Variants in WDR48 observed in about 807,000 individuals in gnomAD.
WDR48 encodes WD repeat-containing protein 48.
In WDR48, 22 loss-of-function variants were observed where a neutral mutation model predicts 94.0. That is an observed-to-expected ratio of 0.23 (90% CI 0.17 to 0.33). WDR48 has a LOEUF of 0.33. Among genes scored for constraint, WDR48 ranks in the 10% least tolerant of loss-of-function variants. WDR48 has a pLI of 1.00. For missense variants in WDR48, 541 were observed against 813.8 expected (o/e 0.66, Z 4.08); for synonymous variants, 278 against 280.5 (o/e 0.99, Z 0.09).
intron 7 of WDR48, among the ~76,000 whole-genome samples, chr3:39,072,382 G>A (rs911025184): frequency 2.6e-5 from 4 of 152,130 alleles, no homozygotes; most frequent in African/African-American, 7.2e-5. Flanking sequence ...GGGTTCTTTT[G>A]GTAATACAAG....
At chr3:39,057,903 G>A (rs977141372) in intron 1 of WDR48, among the ~76,000 whole-genome samples, 2 of 152,226 alleles carry the variant, frequency 1.3e-5, no homozygotes, top group Admixed American at 6.5e-5. Flanking sequence ...ACAGGCATGA[G>A]CCACTGCGCC....
rs1014091529 is a variant in WDR48 at position 39,095,139 on chromosome 3, C to T, written c.*396C>T. ...TGTTTCAACTTTAAGCCCACACACT[C>T]TGTAGCTTTTCTAAAACAGTACATT... On this transcript the variant is annotated 3_prime_UTR_variant, in exon 19 of 19. Coordinates refer to ENST00000302313, the MANE Select transcript of WDR48 (RefSeq NM_020839.4). The T allele has an allele frequency of 5.0e-6, 1 of 198,438 alleles. No individual in the cohort carries two copies. The highest frequency in any genetic ancestry group is 5.3e-5 in the Admixed American group (1 of 18,948). 12.3% of individuals were successfully genotyped at this position (198,438 alleles called of 1,614,324 possible).
chr3:39,078,790 G>T (rs2034369355), intron 10 of WDR48, among the ~76,000 whole-genome samples: 1 of 148,302 alleles, frequency 6.7e-6, no homozygotes, highest in African/African-American at 2.4e-5. Flanking sequence ...CAGCACTTTG[G>T]GAGGCCAAGG....
intron 8 of WDR48, among the ~76,000 whole-genome samples, chr3:39,075,513 A>G (rs1484249962): frequency 6.6e-6 from 1 of 152,088 alleles, no homozygotes; most frequent in Admixed American, 6.6e-5. Context: ...ACTGCCTCAG[A>G]GCAGCCCTAA....
At chr3:39,066,930 G>T (rs893882283) in intron 5 of WDR48, 55 bp downstream of exon 5, 5 of 1,579,580 alleles carry the variant, frequency 3.2e-6, no homozygotes, top group Admixed American at 1.8e-5. Flanking sequence ...CATAAATAAA[G>T]AATGGTTTAT....
At chr3:39,056,483 A>G (rs930238424) in intron 1 of WDR48, among the ~76,000 whole-genome samples, 3 of 152,248 alleles carry the variant, frequency 2.0e-5, no homozygotes, top group Non-Finnish European at 4.4e-5. Context: ...AACTAATGAT[A>G]GAAAAAACAA....
intron 2 of WDR48, among the ~76,000 whole-genome samples, chr3:39,064,192 A>G (rs1357663171): frequency 2.0e-5 from 3 of 152,070 alleles, no homozygotes; most frequent in Admixed American, 6.6e-5. Flanking sequence ...ATTATGTGCC[A>G]TACGCTCTTT....
Position 39,078,146 on chromosome 3 carries a change from G to A in WDR48, c.982G>A (p.Gly328Arg), listed in dbSNP as rs1273443660. 1.9e-6 allele frequency: 3 copies of A among 1,609,530 alleles called. No homozygotes were observed. Among genetic ancestry groups the A allele is most frequent in the Admixed American group, 1.7e-5 (1 of 59,022 alleles). The change falls in exon 10 of 19, where the codon GGA (glycine) becomes AGA (arginine). Residue 328 changes from glycine (G) to arginine (R), a missense_variant. By Grantham distance (125) the Gly-to-Arg change is moderately radical (BLOSUM62 -2). This residue lies in a region of WDR48 where 238 missense variants were observed against 285.3 expected (regional missense o/e 0.83). Transcript: ENST00000302313. ...AATTTTGTAATTTTAGACTTTGAAAGGAATTCATAATTTTAGAGCCTCTGG... is the reference window on the plus strand; with the variant it reads ...AATTTTGTAATTTTAGACTTTGAAAAGAATTCATAATTTTAGAGCCTCTGG... ...KSTVNKWTLKGIHNFRASGDY... is the reference protein window; with the variant it reads ...KSTVNKWTLKRIHNFRASGDY...
chr3:39,061,433 C>T (rs2033258436), intron 1 of WDR48, among the ~76,000 whole-genome samples: 1 of 152,110 alleles, frequency 6.6e-6, no homozygotes, highest in African/African-American at 2.4e-5. Flanking sequence ...ATGAACTCAT[C>T]CTTTTTTATG....
intron 7 of WDR48, among the ~76,000 whole-genome samples, chr3:39,073,891 G>C (rs2034073904): frequency 6.6e-6 from 1 of 152,178 alleles, no homozygotes; most frequent in South Asian, 2.1e-4. Context: ...CAGGAATCCA[G>C]AGCCATGAGA....
chr3:39,095,056 G>C lies in WDR48; in HGVS notation c.*313G>C. Reference sequence around the variant, plus strand: ...TTTGCTTCCTCCTTTTGTTTCAAAGGACCTTATCTACCCATTAACACTTGT... The same window carrying C: ...TTTGCTTCCTCCTTTTGTTTCAAAGCACCTTATCTACCCATTAACACTTGT... On this transcript the variant is annotated 3_prime_UTR_variant, in exon 19 of 19. Coordinates refer to ENST00000302313, the MANE Select transcript of WDR48 (RefSeq NM_020839.4). The C allele has an allele frequency of 2.7e-6, 1 of 367,830 alleles. No homozygotes were observed. The highest frequency in any genetic ancestry group is 4.9e-5 in the East Asian group (1 of 20,368). The allele number at this position is 367,830 out of a possible 1,614,324, so 22.8% of individuals were successfully genotyped here. A position where few individuals can be genotyped will look rare whatever the true frequency, so the allele number is the denominator to read the frequency against.
At chr3:39,080,926 T>C (rs904066491) in intron 11 of WDR48, among the ~76,000 whole-genome samples, 2 of 152,166 alleles carry the variant, frequency 1.3e-5, no homozygotes, top group Admixed American at 1.3e-4. Flanking sequence ...GGGTGTAAGA[T>C]TGAAAAATGA....
chr3:39,071,183 G>A (rs1403103504), intron 7 of WDR48, among the ~76,000 whole-genome samples: 1 of 152,144 alleles, frequency 6.6e-6, no homozygotes, highest in Non-Finnish European at 1.5e-5. Flanking sequence ...TTGCTTATCT[G>A]CAAAGTGAGA....
intron 17 of WDR48, 65 bp from the exon 18 acceptor site, chr3:39,093,809 T>C: frequency 7.3e-7 from 1 of 1,369,024 alleles, no homozygotes; most frequent in South Asian, 1.9e-5. Flanking sequence ...CAAAGAAAAA[T>C]AATATGGAAT....
chr3:39,067,152 G>T (rs1483102285), intron 5 of WDR48, among the ~76,000 whole-genome samples: 1 of 152,110 alleles, frequency 6.6e-6, no homozygotes, highest in Non-Finnish European at 1.5e-5. Flanking sequence ...GTCCCTGCAG[G>T]GTAGAGGAGA....
chr3:39,073,431 A>G (rs563179556), intron 7 of WDR48, among the ~76,000 whole-genome samples: 62 of 152,280 alleles, frequency 4.1e-4, no homozygotes, highest in African/African-American at 1.3e-3. Context: ...GGGGCAGGCC[A>G]GTAAATTTTT....
At position 39,074,988 on chromosome 3, in the gene WDR48, G is replaced by T. The variant is rs756678107; in HGVS notation, c.897+38G>T. On this transcript the variant is annotated intron_variant, in intron 8 of 18. Transcript: ENST00000302313. Reference sequence around the variant, plus strand: ...TTAATATTTTAGTTTTATAATTAAGGTTGTTACATGTGTTAGCCAAATAGA... The same window carrying T: ...TTAATATTTTAGTTTTATAATTAAGTTTGTTACATGTGTTAGCCAAATAGA... The T allele has an allele frequency of 8.8e-6, 14 of 1,591,208 alleles. No homozygotes were observed. In the South Asian group the frequency reaches 1.6e-4, roughly 18 times the overall value.
intron 15 of WDR48, among the ~76,000 whole-genome samples, chr3:39,088,440 T>C (rs764934689): frequency 1.3e-5 from 2 of 152,224 alleles, no homozygotes; most frequent in African/African-American, 2.4e-5. Flanking sequence ...AACTCTAGTG[T>C]TCGAATGAGG....
At position 39,062,901 on chromosome 3, in the gene WDR48, T is replaced by C. The variant is rs547781175; in HGVS notation, c.49-149T>C. 12 of 945,704 alleles carry C rather than the reference T, an allele frequency of 1.3e-5. No homozygotes were observed. The African/African-American group carries it at 1.3e-4, about 10-fold the overall frequency. 58.6% of individuals were successfully genotyped at this position (945,704 alleles called of 1,614,324 possible). ...TCCTTCTCTTCAGCCCTTTAGTCTT[T>C]AAGGAGTAAAATTTAAATTTGTATT... On this transcript the variant is annotated intron_variant, in intron 1 of 18. Coordinates refer to ENST00000302313, the MANE Select transcript of WDR48 (RefSeq NM_020839.4).
Sources: gnomAD v4.1 joint callset for allele counts (sites outside exome capture counted in the v4.1 genomes callset) on GRCh38, gnomAD v4.1.1 for gene constraint, gnomAD v4.1.1 regional missense constraint, MANE v1.5 for transcripts, NCBI Gene and HGNC (gene_info 2026-07-23, HGNC 2026-07-21) for gene names.